PABPC4L: variants seen among roughly 807,000 people sequenced by gnomAD.
PABPC4L encodes polyadenylate-binding protein 4-like.
For missense variants in PABPC4L, 452 were observed against 451.4 expected (o/e 1.00, Z -0.01); for synonymous variants, 169 against 164.1 (o/e 1.03, Z -0.23).
At chr4:133,996,870 A>AC in the PABPC4L span, among the ~76,000 whole-genome samples, 2,425 of 152,096 alleles carry the variant, frequency 0.016, 68 homozygotes, top group African/African-American at 0.055. Flanking sequence ...AACATTGTCG[A>AC]CCCCCTAGTA....
At chr4:134,007,418 C>A in the PABPC4L span, among the ~76,000 whole-genome samples, 1 of 151,508 alleles carries the variant, frequency 6.6e-6, no homozygotes, top group Non-Finnish European at 1.5e-5. Context: ...CCTAGTACTA[C>A]TTCTTTAGTA....
the PABPC4L span, among the ~76,000 whole-genome samples, chr4:134,123,071 G>C: frequency 3.3e-5 from 5 of 151,868 alleles, no homozygotes; most frequent in African/African-American, 1.2e-4. Flanking sequence ...ACAGGGTTAG[G>C]TACCTGTGAG....
the PABPC4L span, among the ~76,000 whole-genome samples, chr4:134,062,741 G>A: frequency 6.6e-6 from 1 of 151,968 alleles, no homozygotes; most frequent in Non-Finnish European, 1.5e-5. Flanking sequence ...TGATATCACT[G>A]TACAAAAAAT....
At chr4:134,118,202 T>G in the PABPC4L span, among the ~76,000 whole-genome samples, 4 of 151,822 alleles carry the variant, frequency 2.6e-5, no homozygotes, top group Non-Finnish European at 4.4e-5. Flanking sequence ...GGCCTGTTAT[T>G]CATAAGTAGG....
chr4:134,033,080 A>G, the PABPC4L span, among the ~76,000 whole-genome samples: 2 of 149,046 alleles, frequency 1.3e-5, no homozygotes, highest in East Asian at 2.0e-4. Flanking sequence ...CAGCAAGTCT[A>G]TAGGCACCAT....
At chr4:134,048,081 C>T in the PABPC4L span, among the ~76,000 whole-genome samples, 1 of 151,886 alleles carries the variant, frequency 6.6e-6, no homozygotes, top group African/African-American at 2.4e-5. Context: ...TAGAAGTCTT[C>T]CTGATGACAA....
At chr4:134,127,481 T>C in the PABPC4L span, among the ~76,000 whole-genome samples, 8 of 152,056 alleles carry the variant, frequency 5.3e-5, no homozygotes, top group Non-Finnish European at 1.2e-4. Flanking sequence ...ACAGGACTCT[T>C]TGCAGACACT....
chr4:133,964,863 A>G, the PABPC4L span, among the ~76,000 whole-genome samples: 4 of 152,288 alleles, frequency 2.6e-5, no homozygotes, highest in South Asian at 8.3e-4. Context: ...CCAACATTAT[A>G]CTGAATGGGG....
chr4:134,062,647 C>T, the PABPC4L span, among the ~76,000 whole-genome samples: 1 of 151,992 alleles, frequency 6.6e-6, no homozygotes. Context: ...AAAACTTAGG[C>T]TTACAAATGG....
chr4:134,173,179 A>AAT, the PABPC4L span, among the ~76,000 whole-genome samples: 4 of 150,816 alleles, frequency 2.7e-5, no homozygotes, highest in African/African-American at 9.7e-5. Context: ...AAAAAAAAAA[A>AAT]AGAAACTGAA....
At chr4:133,984,004 T>C in the PABPC4L span, among the ~76,000 whole-genome samples, 8 of 151,896 alleles carry the variant, frequency 5.3e-5, no homozygotes, top group Non-Finnish European at 1.2e-4. Context: ...GTAAATTATA[T>C]ATGTAATCTA....
the PABPC4L span, among the ~76,000 whole-genome samples, chr4:133,975,805 A>T: frequency 6.6e-6 from 1 of 152,138 alleles, no homozygotes; most frequent in African/African-American, 2.4e-5. Flanking sequence ...ACTGGAGTGA[A>T]CATACTTGGT....
chr4:134,064,745 T>G, the PABPC4L span, among the ~76,000 whole-genome samples: 75 of 152,168 alleles, frequency 4.9e-4, no homozygotes, highest in Non-Finnish European at 8.4e-4. Context: ...TTTCTCACAC[T>G]TCTCATACCC....
chr4:133,948,623 C>G, the PABPC4L span, among the ~76,000 whole-genome samples: 31 of 152,278 alleles, frequency 2.0e-4, no homozygotes, highest in African/African-American at 7.0e-4. Flanking sequence ...CAATGATAGA[C>G]TTTTGCAAGT....
the PABPC4L span, among the ~76,000 whole-genome samples, chr4:134,031,508 A>G: frequency 9.9e-5 from 15 of 151,936 alleles, no homozygotes; most frequent in African/African-American, 2.7e-4. Flanking sequence ...TGTGGCTCTG[A>G]CATCCTCAGT....
the PABPC4L span, among the ~76,000 whole-genome samples, chr4:134,077,319 A>T: frequency 2.6e-5 from 4 of 152,224 alleles, no homozygotes; most frequent in South Asian, 4.1e-4. Flanking sequence ...ACAGAGTCTT[A>T]CTTTTACTTT....
the PABPC4L span, among the ~76,000 whole-genome samples, chr4:134,047,440 T>G: frequency 6.6e-6 from 1 of 152,240 alleles, no homozygotes; most frequent in East Asian, 1.9e-4. Flanking sequence ...TGTTTACATC[T>G]GAAATAAAAT....
the PABPC4L span, among the ~76,000 whole-genome samples, chr4:133,996,070 A>T: frequency 6.6e-6 from 1 of 152,182 alleles, no homozygotes; most frequent in Non-Finnish European, 1.5e-5. Flanking sequence ...ACAGGGTCCC[A>T]TAGCTGTAGC....
chr4:134,110,291 A>T, the PABPC4L span, among the ~76,000 whole-genome samples: 1 of 152,076 alleles, frequency 6.6e-6, no homozygotes, highest in Admixed American at 6.6e-5. Context: ...AATTACTGTC[A>T]ATTAAAACTG....
Sources: gnomAD v4.1 joint callset for allele counts (sites outside exome capture counted in the v4.1 genomes callset) on GRCh38, gnomAD v4.1.1 for gene constraint, MANE v1.5 for transcripts, NCBI Gene and HGNC (gene_info 2026-07-23, HGNC 2026-07-21) for gene names.